Variants in ZNF318 observed in about 807,000 individuals in gnomAD.
ZNF318 encodes the protein zinc finger protein 318.
Under a neutral mutation model 124.2 loss-of-function variants are expected in ZNF318, and 51 were observed. The observed-to-expected ratio is 0.41, with a 90% CI of 0.33 to 0.52. The LOEUF is 0.52. ZNF318 is among the 20% of genes least tolerant of loss of function. The pLI, the probability that ZNF318 is intolerant of heterozygous loss-of-function variation, is 0.23. For missense variants in ZNF318, 2,815 were observed against 2,811.2 expected, an observed-to-expected ratio of 1.00 and a Z score of -0.03; for synonymous variants, 1,090 against 1,040.7, an observed-to-expected ratio of 1.05 and a Z score of -0.91.
chr6:43,366,524 T>TG (rs1779763604), intron 1 of ZNF318, among the ~76,000 whole-genome samples: 1 of 152,098 alleles, frequency 6.6e-6, no homozygotes, highest in Non-Finnish European at 1.5e-5. Flanking sequence ...GGGCCAGGCA[T>TG]GGTAGCTTAT....
intron 2 of ZNF318, among the ~76,000 whole-genome samples, chr6:43,358,414 A>ATT (rs71547834): frequency 0.2 from 24,355 of 124,674 alleles, 3,926 homozygotes; most frequent in African/African-American, 0.42. Context: ...CACCCGGCTA[A>ATT]TTTTTTTTTT....
At chr6:43,349,056 G>A (rs1413366559) in intron 5 of ZNF318, among the ~76,000 whole-genome samples, 1 of 152,080 alleles carries the variant, frequency 6.6e-6, no homozygotes, top group East Asian at 1.9e-4. Context: ...TTTTTTCTAA[G>A]AGCAAGTGAG....
chr6:43,362,215 A>G (rs1779688790), intron 2 of ZNF318, among the ~76,000 whole-genome samples: 1 of 152,072 alleles, frequency 6.6e-6, no homozygotes, highest in East Asian at 1.9e-4. Flanking sequence ...TAATCCCAGC[A>G]CTTTGGGAGG....
At chr6:43,356,379 TTATC>T (rs1005187090) in intron 3 of ZNF318, among the ~76,000 whole-genome samples, 5 of 152,150 alleles carry the variant, frequency 3.3e-5, no homozygotes, top group African/African-American at 1.2e-4. Flanking sequence ...ATCCTCACCT[TTATC>T]TATTTGTTAA....
chr6:43,339,333 C>T lies in ZNF318; in HGVS notation c.4665G>A (p.Lys1555=). The change falls in exon 10 of 10, where the codon AAG becomes AAA. Residue 1555 remains lysine (K), a synonymous_variant. Coordinates refer to ENST00000361428, the MANE Select transcript of ZNF318 (RefSeq NM_014345.3). This position sits in a 1 kb window ranked among gnomAD's most constrained non-coding sequence, Gnocchi z 4.2. ...VFSEQAKKLE[K]RNSCLATANA... is the part of the protein sequence containing the mutation. Reference sequence around the variant, plus strand: ...TGGCTGTGGCTAAGCATGAATTTCGCTTCTCTAATTTTTTGGCTTGTTCAC... The same window carrying T: ...TGGCTGTGGCTAAGCATGAATTTCGTTTCTCTAATTTTTTGGCTTGTTCAC... 1 of 1,614,160 alleles carries T rather than the reference C, an allele frequency of 6.2e-7. No individual in the cohort carries two copies.
At chr6:43,358,153 C>T (rs1779636789) in intron 2 of ZNF318, among the ~76,000 whole-genome samples, 1 of 152,208 alleles carries the variant, frequency 6.6e-6, no homozygotes, top group Non-Finnish European at 1.5e-5. Context: ...AGCTCCACCC[C>T]AAGCAGATCT....
At position 43,369,387 on chromosome 6, in the gene ZNF318, G is replaced by A. The variant is rs1779807158; in HGVS notation, c.-22C>T. The A allele has an allele frequency of 3.2e-6, 4 of 1,233,904 alleles. No homozygotes were observed. The highest frequency in any genetic ancestry group is 4.1e-6 in the Non-Finnish European group (4 of 983,430). The allele number at this position is 1,233,904 out of a possible 1,614,324, so 76.4% of individuals were successfully genotyped here. A position where few individuals can be genotyped will look rare whatever the true frequency, so the allele number is the denominator to read the frequency against. ...ACATGGTTCTTGCAGCGGCGGCCAC[G>A]GCGACAGCTCTGACCCGGGGGCGCC... On this transcript the variant is annotated 5_prime_UTR_variant, in exon 1 of 10. Coordinates refer to ENST00000361428, the MANE Select transcript of ZNF318 (RefSeq NM_014345.3).
At chr6:43,353,666 G>A (rs1441202853) in intron 4 of ZNF318, among the ~76,000 whole-genome samples, 4 of 152,048 alleles carry the variant, frequency 2.6e-5, no homozygotes. Context: ...GAGCCACCAC[G>A]CCCAGCCAGG....
chr6:43,341,214 C>T (rs193256589), intron 8 of ZNF318, among the ~76,000 whole-genome samples: 53 of 152,266 alleles, frequency 3.5e-4, no homozygotes, highest in African/African-American at 1.2e-3. Flanking sequence ...CCAAGCATCT[C>T]AGGAAATATA....
At position 43,357,368 on chromosome 6, in the gene ZNF318, G is replaced by T. The variant is rs866272609; in HGVS notation, c.946C>A (p.Arg316=). The T allele has an allele frequency of 6.2e-7, 1 of 1,614,076 alleles. No homozygotes were observed. The highest frequency in any genetic ancestry group is 1.7e-5 in the Admixed American group (1 of 60,022). ...PSPRFLDPEF[R]ELDLARRKRE... is the part of the protein sequence containing the mutation. ...TTTCGTCTGGCAAGATCCAGTTCTCGAAACTCAGGGTCGAGAAACCTAGGA... is the reference window on the plus strand; with the variant it reads ...TTTCGTCTGGCAAGATCCAGTTCTCTAAACTCAGGGTCGAGAAACCTAGGA... The change falls in exon 3 of 10, where the codon CGA becomes AGA. Residue 316 remains arginine (R), a synonymous_variant. Coordinates refer to ENST00000361428, the MANE Select transcript of ZNF318 (RefSeq NM_014345.3).
intron 4 of ZNF318, among the ~76,000 whole-genome samples, chr6:43,353,609 C>T (rs964163412): frequency 7.2e-5 from 11 of 152,082 alleles, no homozygotes; most frequent in African/African-American, 2.2e-4. Flanking sequence ...CTTCTGACCT[C>T]GTGATCCACC....
chr6:43,341,050 T>C, intron 8 of ZNF318, 142 bp from the exon 9 acceptor site: 2 of 645,696 alleles, frequency 3.1e-6, no homozygotes, highest in South Asian at 3.7e-5. Flanking sequence ...AAGCAGTATT[T>C]AGATGAATCC....
intron 2 of ZNF318, among the ~76,000 whole-genome samples, chr6:43,362,187 C>T (rs576991029): frequency 7.9e-5 from 12 of 152,010 alleles, no homozygotes; most frequent in East Asian, 3.9e-4. Flanking sequence ...AGGGGCCAGG[C>T]GCGGTGGCTC....
intron 6 of ZNF318, among the ~76,000 whole-genome samples, chr6:43,344,963 G>A (rs1779417906): frequency 1.3e-5 from 2 of 151,966 alleles, no homozygotes; most frequent in South Asian, 2.1e-4. Flanking sequence ...CAGTGGTCTC[G>A]GCTGGGCCCA....
rs746456343 is a variant in ZNF318, at chr6:43,337,854, A to G, written c.6144T>C (p.Ser2048=). ...AGGAATTACACCCTATAGGTGATAC[A>G]GAATTTTCTTCACACACTTTCTGAC... ...VLCQKVCEEN[S]VSPIGCNSSD... Residue 2048 remains serine, a synonymous_variant, in exon 10 of 10, where the codon TCT becomes TCC. Transcript: ENST00000361428. 3 of 1,614,112 alleles carry G rather than the reference A, an allele frequency of 1.9e-6. No homozygotes were observed. Among genetic ancestry groups the G allele is most frequent in the African/African-American group, 1.3e-5 (1 of 74,946 alleles).
At chr6:43,360,857 A>G (rs1350271406) in intron 2 of ZNF318, among the ~76,000 whole-genome samples, 1 of 152,238 alleles carries the variant, frequency 6.6e-6, no homozygotes, top group African/African-American at 2.4e-5. Context: ...ATATGATTCT[A>G]TTTATATGAA....
At position 43,338,252 on chromosome 6, in the gene ZNF318, C is replaced by A. The variant is rs745880307; in HGVS notation, c.5746G>T (p.Val1916Phe). The A allele has an allele frequency of 1.9e-6, 3 of 1,614,148 alleles. No individual in the cohort carries two copies. The highest frequency in any genetic ancestry group is 3.3e-5 in the Admixed American group (2 of 60,020). ...GSPQEQGVSV[V>F]SEEGLENSAP... ...GAATTCTCTAGCCCCTCCTCACTAA[C>A]AACTGAAACTCCTTGCTCTTGTGGA... The change falls in exon 10 of 10, where the codon GTT becomes TTT. Residue 1916 changes from valine to phenylalanine, a missense_variant. Physicochemically the swap from Val to Phe is conservative, Grantham distance 50 (BLOSUM62 -1). Transcript: ENST00000361428.
In ZNF318 at chr6:43,369,267, T is replaced by C; in HGVS notation, c.99A>G (p.Ser33=). The change falls in exon 1 of 10, where the codon TCA becomes TCG. Residue 33 remains serine, a synonymous_variant. Coordinates refer to ENST00000361428, the MANE Select transcript of ZNF318 (RefSeq NM_014345.3). ...GCGGTGAGCTGCGGCGAGCCGGGCCTGAGGAGGAGCCAGAGCTGCGGCCGC... is the reference window on the plus strand; with the variant it reads ...GCGGTGAGCTGCGGCGAGCCGGGCCCGAGGAGGAGCCAGAGCTGCGGCCGC... The part of the protein sequence containing the change: ...PRSGRSSGSS[S]GPARRSSPPP... 1 of 1,300,478 alleles carries C rather than the reference T, an allele frequency of 7.7e-7. No individual in the cohort carries two copies. Among genetic ancestry groups the C allele is most frequent in the Non-Finnish European group, 9.8e-7 (1 of 1,021,758 alleles). The allele number at this position is 1,300,478 out of a possible 1,614,324, so 80.6% of individuals were successfully genotyped here. A position where few individuals can be genotyped will look rare whatever the true frequency, so the allele number is the denominator to read the frequency against.
Position 43,355,593 on chromosome 6 carries a change from A to T in ZNF318, c.1741T>A (p.Ser581Thr). 8 of 1,614,168 alleles carry T rather than the reference A, an allele frequency of 5.0e-6. No homozygotes were observed. The highest frequency in any genetic ancestry group is 6.8e-6 in the Non-Finnish European group (8 of 1,180,038). ...PSSAPAVKLE[S>T]LEETNPEYAK... is the part of the protein sequence containing the mutation. ...TATTCTGGATTGGTCTCTTCTAGTG[A>T]TTCTAGCTTTACAGCTGGAGCTGAA... Residue 581 changes from serine (S) to threonine (T), a missense_variant, in exon 4 of 10, where the codon TCA becomes ACA. Physicochemically the swap from Ser to Thr is moderately conservative, Grantham distance 58 (BLOSUM62 1). Coordinates refer to ENST00000361428, the MANE Select transcript of ZNF318 (RefSeq NM_014345.3).
Sources: allele counts gnomAD v4.1 joint callset (sites outside exome capture counted in the v4.1 genomes callset), GRCh38; gene constraint gnomAD v4.1.1; non-coding constraint Gnocchi (gnomAD v3.1); transcripts MANE v1.5; gene names NCBI Gene and HGNC (gene_info 2026-07-23, HGNC 2026-07-21).